The following STOX1 variants were observed in gnomAD, a reference collection of about 807,000 sequenced individuals.
The protein encoded by STOX1 is storkhead-box protein 1.
STOX1 carries 57 observed loss-of-function variants against 74.8 expected under a neutral mutation model. The ratio of observed to expected loss-of-function variants is 0.76; its 90% confidence interval spans 0.62 to 0.95. The LOEUF (loss-of-function observed/expected upper bound fraction) is 0.95, where lower values mean the gene tolerates loss of function less well. STOX1 is among the 40% of genes least tolerant of loss of function. The pLI, the probability that STOX1 is intolerant of heterozygous loss-of-function variation, is 0.00. For synonymous variants in STOX1, 375 were observed against 401.3 expected, an observed-to-expected ratio of 0.93 and a Z score of 0.78; for missense variants, 1,010 against 1,117.0, an observed-to-expected ratio of 0.90 and a Z score of 1.37.
chr10:68,862,969 G>A (rs1840295763), intron 1 of STOX1, among the ~76,000 whole-genome samples: 1 of 152,094 alleles, frequency 6.6e-6, no homozygotes, highest in South Asian at 2.1e-4. Context: ...CAGAAAGCAT[G>A]AGTAACTGTG....
chr10:68,892,305 C>A (rs1841117286), intron 3 of STOX1, among the ~76,000 whole-genome samples: 1 of 149,608 alleles, frequency 6.7e-6, no homozygotes, highest in Non-Finnish European at 1.5e-5. Context: ...TTTCGGGGAA[C>A]TTACTGTTTC....
rs139629739 is a variant in STOX1 at position 68,888,072 on chromosome 10, C to T, written c.2822+1454C>T. Among the ~76,000 whole-genome samples the T allele has an allele frequency of 2.8e-3, 420 of 151,912 alleles. 2 individuals are homozygous for T. Among genetic ancestry groups the T allele is most frequent in the Middle Eastern group, 0.02 (6 of 294 alleles). ...CTATACTTATTCTAACACACACACA[C>T]GCGCGCACACACGCACACACACGCG... On this transcript the variant is annotated intron_variant, in intron 3 of 3. Coordinates refer to ENST00000298596, the MANE Select transcript of STOX1 (RefSeq NM_152709.5).
At chr10:68,839,962 A>G (rs930845886) in intron 1 of STOX1, among the ~76,000 whole-genome samples, 2 of 152,200 alleles carry the variant, frequency 1.3e-5, no homozygotes, top group Non-Finnish European at 2.9e-5. Context: ...AGTAATTAAA[A>G]CATGTGGTAC....
At chr10:68,846,526 C>G (rs908326870) in intron 1 of STOX1, among the ~76,000 whole-genome samples, 2 of 152,144 alleles carry the variant, frequency 1.3e-5, no homozygotes, top group Non-Finnish European at 2.9e-5. Flanking sequence ...TGTCCTTTCT[C>G]CATTGGATAA....
chr10:68,831,433 G>A (rs1254409366), intron 1 of STOX1, among the ~76,000 whole-genome samples: 3 of 152,082 alleles, frequency 2.0e-5, no homozygotes, highest in African/African-American at 4.8e-5. Flanking sequence ...TGATCCGCCC[G>A]CCTCGGCCTC....
At chr10:68,852,154 T>A (rs112773921) in intron 1 of STOX1, among the ~76,000 whole-genome samples, 4,861 of 151,758 alleles carry the variant, frequency 0.032, 227 homozygotes, top group African/African-American at 0.11. Context: ...AAATATGTTA[T>A]CTCACTGTCT....
chr10:68,884,739 C>T lies in STOX1; in HGVS notation c.943C>T (p.Leu315Phe). 2 of 1,614,144 alleles carry T rather than the reference C, an allele frequency of 1.2e-6. No individual in the cohort carries two copies. The highest frequency in any genetic ancestry group is 1.1e-5 in the South Asian group (1 of 91,086). ...KEKGKKFGFSLLWRSLSRKEK... is the reference protein window; with the variant it reads ...KEKGKKFGFSFLWRSLSRKEK... ...AAAAGGCAAGAAGTTTGGTTTTAGT[C>T]TCTTATGGCGCAGCTTATCTAGAAA... The change falls in exon 3 of 4, where the codon CTC becomes TTC. Residue 315 changes from leucine (L) to phenylalanine (F), a missense_variant. Leu to Phe is a conservative substitution (Grantham distance 22, BLOSUM62 0). Transcript: ENST00000298596.
chr10:68,866,187 G>A (rs938746876), intron 1 of STOX1, among the ~76,000 whole-genome samples: 3 of 152,000 alleles, frequency 2.0e-5, no homozygotes, highest in African/African-American at 7.3e-5. Flanking sequence ...AGTTATAGTT[G>A]GTTGAATAGT....
At position 68,886,220 on chromosome 10, in the gene STOX1, C is replaced by T. The variant is rs1389178160; in HGVS notation, c.2424C>T (p.Thr808=). The change falls in exon 3 of 4, where the codon ACC becomes ACT. Residue 808 remains threonine (T), a synonymous_variant. Transcript: ENST00000298596. ...ACAAACCCACTGGGCTGCATGCTACCCCAGGTGAAAGCCAAGAACCTAACC... is the reference window on the plus strand; with the variant it reads ...ACAAACCCACTGGGCTGCATGCTACTCCAGGTGAAAGCCAAGAACCTAACC... ...ECYKPTGLHA[T]PGESQEPNLS... is the part of the protein sequence containing the mutation. 3 of 1,613,988 alleles carry T rather than the reference C, an allele frequency of 1.9e-6. No homozygotes were observed. Among genetic ancestry groups the T allele is most frequent in the East Asian group, 2.2e-5 (1 of 44,892 alleles).
At chr10:68,860,384 C>G (rs372257105) in intron 1 of STOX1, among the ~76,000 whole-genome samples, 4 of 151,414 alleles carry the variant, frequency 2.6e-5, no homozygotes, top group African/African-American at 9.7e-5. Flanking sequence ...CCAGCCTGAG[C>G]AACATGGTGA....
At chr10:68,833,428 G>A (rs1055723696) in intron 1 of STOX1, among the ~76,000 whole-genome samples, 3 of 152,088 alleles carry the variant, frequency 2.0e-5, no homozygotes, top group African/African-American at 7.2e-5. Flanking sequence ...TTATTTGGCC[G>A]GGAGCATCAG....
intron 1 of STOX1, among the ~76,000 whole-genome samples, chr10:68,849,608 A>T (rs1589221621): frequency 6.6e-6 from 1 of 152,146 alleles, no homozygotes; most frequent in Non-Finnish European, 1.5e-5. Context: ...GGACCCAGGG[A>T]GCTCAGGGCA....
At chr10:68,870,878 A>C (rs185342691) in intron 1 of STOX1, among the ~76,000 whole-genome samples, 63 of 152,364 alleles carry the variant, frequency 4.1e-4, no homozygotes, top group African/African-American at 1.5e-3. Context: ...TTCTACCCCC[A>C]GAGTCTCCTG....
intron 3 of STOX1, among the ~76,000 whole-genome samples, chr10:68,892,060 A>C (rs2132008804): frequency 6.6e-6 from 1 of 152,120 alleles, no homozygotes. Flanking sequence ...GCCTCAAGTG[A>C]TCTGCCTGTC....
Position 68,885,891 on chromosome 10 carries a change from T to C in STOX1, c.2095T>C (p.Phe699Leu), listed in dbSNP as rs751856727. 3.7e-6 allele frequency: 6 copies of C among 1,614,104 alleles called. No individual in the cohort carries two copies. The South Asian group carries it at 6.6e-5, about 18-fold the overall frequency. The change falls in exon 3 of 4, where the codon TTT (phenylalanine) becomes CTT (leucine). Residue 699 changes from phenylalanine to leucine, a missense_variant. Transcript: ENST00000298596. ...CTCAGAAGAATTATTGAGAAAAGGA[T>C]TTGTCCAGGATGCAGAGACTACAAG... ...KDSEELLRKGFVQDAETTSLE... is the reference protein window; with the variant it reads ...KDSEELLRKGLVQDAETTSLE...
intron 1 of STOX1, among the ~76,000 whole-genome samples, chr10:68,830,192 A>T (rs1365770463): frequency 6.6e-6 from 1 of 152,078 alleles, no homozygotes; most frequent in African/African-American, 2.4e-5. Context: ...CCCAGTGGGT[A>T]ATGCTGCCTC....
rs1841133696 is a variant in STOX1 at position 68,893,007 on chromosome 10, A to G, written c.*271A>G. On this transcript the variant is annotated 3_prime_UTR_variant, in exon 4 of 4. Transcript: ENST00000298596. ...GAATTATTGGTCCCCTTCCAATTGT[A>G]ATTATCTTGAATTTTTATACATTAG... The G allele has an allele frequency of 9.6e-6, 3 of 311,756 alleles. No homozygotes were observed. The highest frequency in any genetic ancestry group is 1.2e-5 in the Non-Finnish European group (2 of 168,956). 19.3% of individuals were successfully genotyped at this position (311,756 alleles called of 1,614,324 possible). A position where few individuals can be genotyped will look rare whatever the true frequency, so the allele number is the denominator to read the frequency against.
At chr10:68,849,884 G>C (rs749938813) in intron 1 of STOX1, among the ~76,000 whole-genome samples, 3 of 152,084 alleles carry the variant, frequency 2.0e-5, no homozygotes, top group Non-Finnish European at 4.4e-5. Flanking sequence ...CCATTCATCT[G>C]ACTCTTCACA....
intron 1 of STOX1, among the ~76,000 whole-genome samples, chr10:68,836,949 C>T (rs534467233): frequency 1.3e-5 from 2 of 152,224 alleles, no homozygotes; most frequent in Non-Finnish European, 2.9e-5. Context: ...ATACCATTCC[C>T]CCTTCACCAA....
Sources: gnomAD v4.1 joint callset for allele counts (sites outside exome capture counted in the v4.1 genomes callset) on GRCh38, gnomAD v4.1.1 for gene constraint, MANE v1.5 for transcripts, NCBI Gene and HGNC (gene_info 2026-07-23, HGNC 2026-07-21) for gene names.